Variants in SETD2 observed in about 807,000 individuals in gnomAD.
The protein encoded by SETD2 is SET domain containing 2, histone lysine methyltransferase.
SETD2 carries 31 observed loss-of-function variants against 242.1 expected under a neutral mutation model. The observed-to-expected ratio is 0.13, with a 90% CI of 0.10 to 0.17. The LOEUF is 0.17. Ranked by LOEUF, SETD2 falls within the 10% of genes least tolerant of loss-of-function variation. The pLI, the probability that SETD2 is intolerant of heterozygous loss-of-function variation, is 1.00. For synonymous variants in SETD2, 1,006 were observed against 1,066.5 expected, an observed-to-expected ratio of 0.94 and a Z score of 1.11; for missense variants, 2,481 against 3,046.3, an observed-to-expected ratio of 0.81 and a Z score of 4.37.
chr3:47,121,348 G>C lies in SETD2; in HGVS notation c.3288C>G (p.His1096Gln). The change falls in exon 3 of 21, where the codon CAC becomes CAG. Residue 1096 changes from histidine to glutamine, a missense_variant. By Grantham distance (24) the His-to-Gln change is conservative. Transcript: ENST00000409792. ...CSSRSSQSYR[H>Q]YSDHWEDERL... ...TCTCATCTTCCCAATGGTCAGAATA[G>C]TGTCTATAACTTTGACTGCTCCGAG... 6.2e-7 allele frequency: 1 copy of C among 1,610,170 alleles called. No individual in the cohort carries two copies. Among genetic ancestry groups the C allele is most frequent in the Non-Finnish European group, 8.5e-7 (1 of 1,180,000 alleles).
intron 17 of SETD2, 77 bp downstream of exon 17, chr3:47,042,484 G>A (rs1246606684): frequency 2.1e-6 from 3 of 1,459,188 alleles, no homozygotes; most frequent in African/African-American, 1.4e-5. Context: ...GTTTACAACT[G>A]TAAAACTCCC....
intron 12 of SETD2, among the ~76,000 whole-genome samples, chr3:47,073,464 G>A (rs1219275590): frequency 1.3e-5 from 2 of 152,152 alleles, no homozygotes; most frequent in Non-Finnish European, 2.9e-5. Flanking sequence ...GTAGGTCAAA[G>A]AGATTTGATT....
At chr3:47,040,033 G>A (rs890901795) in intron 17 of SETD2, among the ~76,000 whole-genome samples, 1 of 151,758 alleles carries the variant, frequency 6.6e-6, no homozygotes, top group African/African-American at 2.4e-5. Flanking sequence ...CTGGAGTGCA[G>A]TAGCGCGATC....
chr3:47,050,354 A>C (rs1173652241), intron 15 of SETD2, among the ~76,000 whole-genome samples: 2 of 152,214 alleles, frequency 1.3e-5, no homozygotes. Context: ...TCAAGATGTC[A>C]GAAGGCCAGA....
rs535130915 is a variant in SETD2 at position 47,057,178 on chromosome 3, A to C, written c.6606T>G (p.Pro2202=). The C allele has an allele frequency of 7.4e-5, 119 of 1,614,096 alleles. No homozygotes were observed. The highest frequency in any genetic ancestry group is 9.5e-5 in the Non-Finnish European group (112 of 1,180,032). The part of the protein sequence containing the change: ...PSMDPVCSPA[P]YDHAQPLVGH... ...CCACCAAGGGCTGAGCATGATCATA[A>C]GGAGCAGGAGAACACACTGGGTCCA... Residue 2202 remains proline, a synonymous_variant, in exon 15 of 21, where the codon CCT becomes CCG. Transcript: ENST00000409792.
At chr3:47,079,736 T>C (rs2041246738) in intron 12 of SETD2, among the ~76,000 whole-genome samples, 1 of 152,196 alleles carries the variant, frequency 6.6e-6, no homozygotes, top group South Asian at 2.1e-4. Context: ...TGAATGAACA[T>C]GGCTGTGTTT....
At chr3:47,135,089 A>C (rs950119722) in intron 1 of SETD2, among the ~76,000 whole-genome samples, 6 of 152,214 alleles carry the variant, frequency 3.9e-5, no homozygotes, top group African/African-American at 1.4e-4. Context: ...GGAATTTCAT[A>C]CTTACTTGAA....
Position 47,113,874 on chromosome 3 carries a change from A to AG in SETD2, c.4715+1_4715+2insC. 6.2e-7 allele frequency: 1 copy of AG among 1,606,208 alleles called. No individual in the cohort carries two copies. The highest frequency in any genetic ancestry group is 8.5e-7 in the Non-Finnish European group (1 of 1,177,930). On this transcript the variant is annotated splice_donor_variant, in intron 5 of 20. Coordinates refer to ENST00000409792, the MANE Select transcript of SETD2 (RefSeq NM_014159.7). LOFTEE classifies it high-confidence loss of function. ...GTGAAAGGTAATTAAAAAAGAACTTACGAAGGAAGGTCTTTGGCAGCTCTC... is the reference window on the plus strand; with the variant it reads ...GTGAAAGGTAATTAAAAAAGAACTTAGCGAAGGAAGGTCTTTGGCAGCTCTC...
At chr3:47,058,707 G>A (rs2040194433) in intron 14 of SETD2, among the ~76,000 whole-genome samples, 1 of 151,868 alleles carries the variant, frequency 6.6e-6, no homozygotes, top group Non-Finnish European at 1.5e-5. Context: ...TTGACATTAT[G>A]GAGAAGACAA....
At chr3:47,098,295 G>A in intron 8 of SETD2, 1 of 355,446 alleles carries the variant, frequency 2.8e-6, no homozygotes, top group East Asian at 4.7e-5. Flanking sequence ...CTTTCTTTGG[G>A]AGACAAAACT....
Position 47,120,532 on chromosome 3 carries a change from T to C in SETD2, c.4104A>G (p.Gln1368=), listed in dbSNP as rs1286399547. Residue 1368 remains glutamine, a synonymous_variant, in exon 3 of 21, where the codon CAA becomes CAG. Coordinates refer to ENST00000409792, the MANE Select transcript of SETD2 (RefSeq NM_014159.7). ...LSLQKDKGSV[Q]APEISSNSIK... ...TGGAATTGCTGCTTATTTCAGGTGC[T>C]TGCACTGACCCCTTGTCTTTCTGAA... is the stretch of plus-strand genomic sequence containing the variant. The C allele has an allele frequency of 1.2e-6, 2 of 1,614,196 alleles. No homozygotes were observed. Among genetic ancestry groups the C allele is most frequent in the Non-Finnish European group, 1.7e-6 (2 of 1,180,026 alleles).
At chr3:47,030,958 C>T (rs1416142625) in intron 18 of SETD2, among the ~76,000 whole-genome samples, 5 of 152,144 alleles carry the variant, frequency 3.3e-5, no homozygotes, top group African/African-American at 1.2e-4. Context: ...GTGGAAGCCT[C>T]AATGCATATT....
rs2106686957 is a variant in SETD2 at position 47,122,769 on chromosome 3, C to A, written c.1867G>T (p.Asp623Tyr). The stretch of plus-strand genomic sequence containing the variant: ...TCTAGCTTTTTTAAAGTAGGTGAAT[C>A]ATTTAATCGATTTGATGGAGCTGGA... ...GSPAPSNRLNDSPTLKKLDEL... is the reference protein window; with the variant it reads ...GSPAPSNRLNYSPTLKKLDEL... Residue 623 changes from aspartate to tyrosine, a missense_variant, in exon 3 of 21, where the codon GAT (aspartate) becomes TAT (tyrosine). By Grantham distance (160) the Asp-to-Tyr change is radical (BLOSUM62 -3). Transcript: ENST00000409792. 2 of 1,610,692 alleles carry A rather than the reference C, an allele frequency of 1.2e-6. No homozygotes were observed. The highest frequency in any genetic ancestry group is 8.5e-7 in the Non-Finnish European group (1 of 1,179,088).
chr3:47,071,413 A>T (rs1033001212), intron 12 of SETD2, among the ~76,000 whole-genome samples: 2 of 152,198 alleles, frequency 1.3e-5, no homozygotes, highest in Non-Finnish European at 2.9e-5. Context: ...AACAAGTGAA[A>T]TTCTACTTCT....
At position 47,124,276 on chromosome 3, in the gene SETD2, A is replaced by C. The variant is rs1188177969; in HGVS notation, c.360T>G (p.Ile120Met). ...VDSTPKMKME[I>M]GDTLSTAEES... Reference sequence around the variant, plus strand: ...CTTCTGCAGTAGATAAGGTATCACCAATTTCCATTTTCATTTTAGGAGTCG... The same window carrying C: ...CTTCTGCAGTAGATAAGGTATCACCCATTTCCATTTTCATTTTAGGAGTCG... Residue 120 changes from isoleucine (I) to methionine (M), a missense_variant, in exon 3 of 21, where the codon ATT becomes ATG. Physicochemically the swap from Ile to Met is conservative, Grantham distance 10. Around this residue, in one of 17 missense-constraint regions of SETD2, gnomAD observed 334 missense variants for 374.5 expected, o/e 0.89. Transcript: ENST00000409792. 6.4e-7 allele frequency: 1 copy of C among 1,551,620 alleles called. No individual in the cohort carries two copies. The highest frequency in any genetic ancestry group is 1.4e-5 in the African/African-American group (1 of 73,046).
At chr3:47,018,674 C>G (rs928376290) in intron 19 of SETD2, among the ~76,000 whole-genome samples, 3 of 152,146 alleles carry the variant, frequency 2.0e-5, no homozygotes, top group Non-Finnish European at 4.4e-5. Context: ...TCAGTCTATC[C>G]CCTCAAACAC....
intron 9 of SETD2, among the ~76,000 whole-genome samples, chr3:47,097,614 CA>C (rs1280324759): frequency 6.6e-6 from 1 of 152,150 alleles, no homozygotes; most frequent in Non-Finnish European, 1.5e-5. Context: ...TTTAGAGTAC[CA>C]AACAAAGACA....
At chr3:47,132,323 ACAAAACTAC>A (rs1451701069) in intron 1 of SETD2, among the ~76,000 whole-genome samples, 1 of 151,920 alleles carries the variant, frequency 6.6e-6, no homozygotes, top group African/African-American at 2.4e-5. Context: ...AAAGTCTACT[ACAAAACTAC>A]AAAAACTAGC....
rs1362910690 is a variant in SETD2, at chr3:47,122,515, T to G, written c.2121A>C (p.Leu707Phe). Residue 707 changes from leucine (L) to phenylalanine (F), a missense_variant, in exon 3 of 21, where the codon TTA becomes TTC. Coordinates refer to ENST00000409792, the MANE Select transcript of SETD2 (RefSeq NM_014159.7). ...GCATGCATGCTTTGACCAAAGGGGA[T>G]AATTCCGATCCAGTCACACTATCAT... ...TSDDSVTGSE[L>F]SPLVKACMLS... 2 of 1,614,158 alleles carry G rather than the reference T, an allele frequency of 1.2e-6. No individual in the cohort carries two copies. The highest frequency in any genetic ancestry group is 2.2e-5 in the South Asian group (2 of 91,082).
Sources: allele counts gnomAD v4.1 joint callset (sites outside exome capture counted in the v4.1 genomes callset), GRCh38; gene constraint gnomAD v4.1.1; regional missense constraint gnomAD v4.1.1; transcripts MANE v1.5; gene names NCBI Gene and HGNC (gene_info 2026-07-23, HGNC 2026-07-21).